DVL3: variants seen among roughly 807,000 people sequenced by gnomAD.
DVL3 encodes the protein dishevelled segment polarity protein 3.
DVL3 carries 27 observed loss-of-function variants against 67.4 expected under a neutral mutation model. That is an observed-to-expected ratio of 0.40 (90% CI 0.30 to 0.55). The LOEUF is 0.55. DVL3 is among the 20% of genes least tolerant of loss of function. The pLI, the probability that DVL3 is intolerant of heterozygous loss-of-function variation, is 0.46. For synonymous variants in DVL3, 369 were observed against 396.8 expected, an observed-to-expected ratio of 0.93 and a Z score of 0.83; for missense variants, 819 against 1,021.5, an observed-to-expected ratio of 0.80 and a Z score of 2.70.
chr3:184,171,425 T>C lies in DVL3; in HGVS notation c.*670T>C. The stretch of plus-strand genomic sequence containing the variant: ...TGGCTTCCAGGGAGCATCTCTGCTC[T>C]ACCCCTGCCCCATGCCTGCCCTGCG... On this transcript the variant is annotated 3_prime_UTR_variant, in exon 15 of 15. Transcript: ENST00000313143. 2 of 993,192 alleles carry C rather than the reference T, an allele frequency of 2.0e-6. No individual in the cohort carries two copies. The highest frequency in any genetic ancestry group is 1.2e-6 in the Non-Finnish European group (1 of 835,334). The allele number at this position is 993,192 out of a possible 1,614,324, so 61.5% of individuals were successfully genotyped here. A position where few individuals can be genotyped will look rare whatever the true frequency, so the allele number is the denominator to read the frequency against.
Position 184,155,835 on chromosome 3 carries a change from C to T in DVL3, c.161+39C>T, listed in dbSNP as rs766636721. 4 of 1,572,720 alleles carry T rather than the reference C, an allele frequency of 2.5e-6. No individual in the cohort carries two copies. The highest frequency in any genetic ancestry group is 3.4e-6 in the Non-Finnish European group (4 of 1,160,328). On this transcript the variant is annotated intron_variant, in intron 1 of 14. Coordinates refer to ENST00000313143, the MANE Select transcript of DVL3 (RefSeq NM_004423.4). This position sits in a 1 kb window ranked among gnomAD's most constrained non-coding sequence, Gnocchi z 5.4. ...CCGCCCCGCCTCCGGGAGCCCCGGC[C>T]GCTCTGGCTTCTAAGGGATGACGCG... is the stretch of plus-strand genomic sequence containing the variant.
rs112145624 is a variant in DVL3, at chr3:184,161,256, A to G, written c.162-2401A>G. Among the ~76,000 whole-genome samples, 3 of 152,188 alleles carry G rather than the reference A, an allele frequency of 2.0e-5. 1 individual carries two copies. Among genetic ancestry groups the G allele is most frequent in the African/African-American group, 4.8e-5 (2 of 41,544 alleles). On this transcript the variant is annotated intron_variant, in intron 1 of 14. Transcript: ENST00000313143. Reference sequence around the variant, plus strand: ...ACCCTGGCCAACACGGTGAAACCCTATCTCTACTAAAAATATAAAAATTAG... The same window carrying G: ...ACCCTGGCCAACACGGTGAAACCCTGTCTCTACTAAAAATATAAAAATTAG...
At position 184,166,696 on chromosome 3, in the gene DVL3, C is replaced by A. The variant is rs1714601458; in HGVS notation, c.1048+23C>A. 1 of 1,613,186 alleles carries A rather than the reference C, an allele frequency of 6.2e-7. No homozygotes were observed. The highest frequency in any genetic ancestry group is 1.1e-5 in the South Asian group (1 of 90,964). On this transcript the variant is annotated intron_variant, in intron 10 of 14. Transcript: ENST00000313143. The surrounding 1 kb of genome is among the most constrained non-coding windows in gnomAD (Gnocchi z 6.7). ...GGAGTAAGTGGATGGGAGACTCAGTCCTAAAGCTGGTGCTTACATACATGA... is the reference window on the plus strand; with the variant it reads ...GGAGTAAGTGGATGGGAGACTCAGTACTAAAGCTGGTGCTTACATACATGA...
chr3:184,166,923 C>G lies in DVL3; in HGVS notation c.1146C>G (p.Ser382Arg), dbSNP rs765923383. 2 of 1,614,176 alleles carry G rather than the reference C, an allele frequency of 1.2e-6. No individual in the cohort carries two copies. Among genetic ancestry groups the G allele is most frequent in the Admixed American group, 1.7e-5 (1 of 60,024 alleles). ...CATACGGCATGAGCCCCTCCCTGAG[C>G]ACCATCACCTCCACCAGCTCCTCCA... ...FPAYGMSPSLSTITSTSSSIT... is the reference protein window; with the variant it reads ...FPAYGMSPSLRTITSTSSSIT... The change falls in exon 11 of 15, where the codon AGC becomes AGG. Residue 382 changes from serine to arginine, a missense_variant. By Grantham distance (110) the Ser-to-Arg change is moderately radical. Transcript: ENST00000313143. The surrounding 1 kb of genome is among the most constrained non-coding windows in gnomAD (Gnocchi z 6.7).
chr3:184,161,478 T>C (rs184075725), intron 1 of DVL3, among the ~76,000 whole-genome samples: 3 of 152,072 alleles, frequency 2.0e-5, no homozygotes, highest in Admixed American at 6.5e-5. Context: ...AACCTCCTCC[T>C]TGCTGTCTTC....
Position 184,165,440 on chromosome 3 carries a change from A to G in DVL3, c.712A>G (p.Ile238Val). ...RIERSSSFSSITDSTMSLNII... is the reference protein window; with the variant it reads ...RIERSSSFSSVTDSTMSLNII... ...ATTCCAGTCCTCGTCCTTCAGCAGC[A>G]TCACGGACTCCACCATGTCACTCAA... Residue 238 changes from isoleucine to valine, a missense_variant, in exon 7 of 15, where the codon ATC (isoleucine) becomes GTC (valine). Coordinates refer to ENST00000313143, the MANE Select transcript of DVL3 (RefSeq NM_004423.4). This position sits in a 1 kb window ranked among gnomAD's most constrained non-coding sequence, Gnocchi z 4.1. The G allele has an allele frequency of 6.2e-7, 1 of 1,614,124 alleles. No individual in the cohort carries two copies. Among genetic ancestry groups the G allele is most frequent in the Non-Finnish European group, 8.5e-7 (1 of 1,180,022 alleles).
chr3:184,170,272 C>T lies in DVL3; in HGVS notation c.1715-47C>T. Reference sequence around the variant, plus strand: ...GGCTATAGGTGGGCCCCAGGCTTCCCCCGCCCGCTCAGCCTGCCCCACCCC... The same window carrying T: ...GGCTATAGGTGGGCCCCAGGCTTCCTCCGCCCGCTCAGCCTGCCCCACCCC... On this transcript the variant is annotated intron_variant, in intron 14 of 14. Transcript: ENST00000313143. The surrounding 1 kb of genome is among the most constrained non-coding windows in gnomAD (Gnocchi z 6.5). 6.3e-7 allele frequency: 1 copy of T among 1,597,282 alleles called. No individual in the cohort carries two copies. The highest frequency in any genetic ancestry group is 8.5e-7 in the Non-Finnish European group (1 of 1,171,450).
intron 13 of DVL3, 83 bp from the exon 14 acceptor site, chr3:184,169,923 C>T (rs1294714149): frequency 1.6e-6 from 2 of 1,262,568 alleles, no homozygotes; most frequent in South Asian, 2.9e-5. Context: ...CTACCACGGT[C>T]TCTCTCATCC....
In DVL3 at chr3:184,164,484, C is replaced by T; in HGVS notation, c.354-8C>T. ...TGCCCCCTCCCCCATCAAGTCTCTT[C>T]CCTGCAGCCCTCATGCTGGTGGGGG... On this transcript the variant is annotated splice_polypyrimidine_tract_variant and splice_region_variant and intron_variant, in intron 3 of 14. Coordinates refer to ENST00000313143, the MANE Select transcript of DVL3 (RefSeq NM_004423.4). This position sits in a 1 kb window ranked among gnomAD's most constrained non-coding sequence, Gnocchi z 5.3. 3 of 1,599,296 alleles carry T rather than the reference C, an allele frequency of 1.9e-6. No homozygotes were observed. The highest frequency in any genetic ancestry group is 2.2e-5 in the South Asian group (2 of 89,166).
intron 1 of DVL3, among the ~76,000 whole-genome samples, chr3:184,160,620 A>G (rs1266261090): frequency 6.6e-6 from 1 of 152,118 alleles, no homozygotes; most frequent in Non-Finnish European, 1.5e-5. Flanking sequence ...GAGGTTCCCC[A>G]AAGCTGCTGA....
Position 184,166,764 on chromosome 3 carries a change from T to G in DVL3, c.1049-62T>G. The G allele has an allele frequency of 5.0e-6, 8 of 1,613,348 alleles. No homozygotes were observed. Among genetic ancestry groups the G allele is most frequent in the Non-Finnish European group, 6.8e-6 (8 of 1,179,476 alleles). ...TTCTCTCACCCAGAACCCCCATATC[T>G]ATCCTGTTGGGCCCAGCAGTGGGTG... On this transcript the variant is annotated intron_variant, in intron 10 of 14. Coordinates refer to ENST00000313143, the MANE Select transcript of DVL3 (RefSeq NM_004423.4). The surrounding 1 kb of genome is among the most constrained non-coding windows in gnomAD (Gnocchi z 6.7).
rs1577053140 is a variant in DVL3, at chr3:184,170,589, A to G, written c.1985A>G (p.Tyr662Cys). The G allele has an allele frequency of 3.3e-6, 5 of 1,537,300 alleles. No homozygotes were observed. Among genetic ancestry groups the G allele is most frequent in the Non-Finnish European group, 3.5e-6 (4 of 1,138,522 alleles). ...SYGPPGVPPL[Y>C]GPPMLMMPPP... ...GGTCCTCCCGGAGTGCCCCCTCTCT[A>G]CGGCCCCCCCATGCTGATGATGCCC... is the stretch of plus-strand genomic sequence containing the variant. The change falls in exon 15 of 15, where the codon TAC becomes TGC. Residue 662 changes from tyrosine to cysteine, a missense_variant. Around this residue, in one of 3 missense-constraint regions of DVL3, gnomAD observed 324 missense variants for 331.3 expected, o/e 0.98. Coordinates refer to ENST00000313143, the MANE Select transcript of DVL3 (RefSeq NM_004423.4). The surrounding 1 kb of genome is among the most constrained non-coding windows in gnomAD (Gnocchi z 6.5).
At position 184,164,730 on chromosome 3, in the gene DVL3, G is replaced by A. The variant is rs1714512755; in HGVS notation, c.464-66G>A. On this transcript the variant is annotated intron_variant, in intron 4 of 14. Transcript: ENST00000313143. This position sits in a 1 kb window ranked among gnomAD's most constrained non-coding sequence, Gnocchi z 5.3. ...CTGGCCCCAGTGCAGCCCCTGGCTT[G>A]CCTCTCTCCCTCCTTCACCCCTGCA... The A allele has an allele frequency of 1.2e-6, 2 of 1,608,396 alleles. No individual in the cohort carries two copies. The highest frequency in any genetic ancestry group is 4.5e-5 in the East Asian group (2 of 44,790).
chr3:184,155,426 C>A lies in DVL3; in HGVS notation c.-210C>A. On this transcript the variant is annotated 5_prime_UTR_variant, in exon 1 of 15. Coordinates refer to ENST00000313143, the MANE Select transcript of DVL3 (RefSeq NM_004423.4). This position sits in a 1 kb window ranked among gnomAD's most constrained non-coding sequence, Gnocchi z 5.4. Reference sequence around the variant, plus strand: ...GAAGAGTCGCGGTCGCCAGTCCAGTCGGGAGAGTGGGGAGCGGAAGCGGCG... The same window carrying A: ...GAAGAGTCGCGGTCGCCAGTCCAGTAGGGAGAGTGGGGAGCGGAAGCGGCG... 6.3e-6 allele frequency: 1 copy of A among 157,688 alleles called. No individual in the cohort carries two copies. Among genetic ancestry groups the A allele is most frequent in the South Asian group, 1.8e-4 (1 of 5,534 alleles). The allele number at this position is 157,688 out of a possible 1,614,324, so 9.8% of individuals were successfully genotyped here.
Position 184,166,629 on chromosome 3 carries a change from A to G in DVL3, c.1004A>G (p.Lys335Arg), listed in dbSNP as rs1201272648. 1 of 1,614,186 alleles carries G rather than the reference A, an allele frequency of 6.2e-7. No individual in the cohort carries two copies. The highest frequency in any genetic ancestry group is 1.7e-5 in the Admixed American group (1 of 60,020). The change falls in exon 10 of 15, where the codon AAG becomes AGG. Residue 335 changes from lysine to arginine, a missense_variant. Lys to Arg is a conservative substitution (Grantham distance 26). This residue lies in a region of DVL3 where 385 missense variants were observed against 486.8 expected (regional missense o/e 0.79). Transcript: ENST00000313143. The surrounding 1 kb of genome is among the most constrained non-coding windows in gnomAD (Gnocchi z 6.7). ...AGGCCCATCACCCTGACTGTAGCCAAGTGCTGGGACCCAAGTCCACGTGGT... is the reference window on the plus strand; with the variant it reads ...AGGCCCATCACCCTGACTGTAGCCAGGTGCTGGGACCCAAGTCCACGTGGT... ...KPGPITLTVA[K>R]CWDPSPRGCF...
In DVL3 at chr3:184,171,354, C is replaced by G. The variant is rs1043188835; in HGVS notation, c.*599C>G. On this transcript the variant is annotated 3_prime_UTR_variant, in exon 15 of 15. Coordinates refer to ENST00000313143, the MANE Select transcript of DVL3 (RefSeq NM_004423.4). Reference sequence around the variant, plus strand: ...CCATCCATGCCATCCCTGCCTGTGCCTAGATCAGAGGCCCAGAGGGCCCCC... The same window carrying G: ...CCATCCATGCCATCCCTGCCTGTGCGTAGATCAGAGGCCCAGAGGGCCCCC... 2.0e-6 allele frequency: 2 copies of G among 1,010,124 alleles called. No homozygotes were observed. Among genetic ancestry groups the G allele is most frequent in the Non-Finnish European group, 1.2e-6 (1 of 846,290 alleles). 62.6% of individuals were successfully genotyped at this position (1,010,124 alleles called of 1,614,324 possible).
Position 184,170,653 on chromosome 3 carries a change from G to A in DVL3, c.2049G>A (p.Pro683=), listed in dbSNP as rs1040205003. Residue 683 remains proline, a synonymous_variant, in exon 15 of 15, where the codon CCG becomes CCA. Coordinates refer to ENST00000313143, the MANE Select transcript of DVL3 (RefSeq NM_004423.4). The surrounding 1 kb of genome is among the most constrained non-coding windows in gnomAD (Gnocchi z 6.5). ...CCATGGGGCCCCCAGGAGCCCCTCC[G>A]GGCCGCGACCTGGCCTCAGTGCCCC... ...PAAMGPPGAP[P]GRDLASVPPE... 1.6e-5 allele frequency: 25 copies of A among 1,608,076 alleles called. No individual in the cohort carries two copies. The highest frequency in any genetic ancestry group is 1.9e-5 in the Non-Finnish European group (22 of 1,178,510).
At chr3:184,157,244 G>T (rs1577043742) in intron 1 of DVL3, among the ~76,000 whole-genome samples, 1 of 152,140 alleles carries the variant, frequency 6.6e-6, no homozygotes. Context: ...ATCTAGAAGG[G>T]GTCTGGGTGA....
Position 184,167,777 on chromosome 3 carries a change from C to G in DVL3, c.1330+66C>G. Reference sequence around the variant, plus strand: ...TGATGGGGCAGGGCAGGCCGGAGGGCCCAGGACTTGCCTTGGACCCTTCCT... The same window carrying G: ...TGATGGGGCAGGGCAGGCCGGAGGGGCCAGGACTTGCCTTGGACCCTTCCT... On this transcript the variant is annotated intron_variant, in intron 12 of 14. Transcript: ENST00000313143. The surrounding 1 kb of genome is among the most constrained non-coding windows in gnomAD (Gnocchi z 4.6). 1 of 1,590,098 alleles carries G rather than the reference C, an allele frequency of 6.3e-7. No individual in the cohort carries two copies. Among genetic ancestry groups the G allele is most frequent in the African/African-American group, 1.3e-5 (1 of 74,754 alleles).
Sources: allele counts gnomAD v4.1 joint callset (sites outside exome capture counted in the v4.1 genomes callset), GRCh38; gene constraint gnomAD v4.1.1; regional missense constraint gnomAD v4.1.1; non-coding constraint Gnocchi (gnomAD v3.1); transcripts MANE v1.5; gene names NCBI Gene and HGNC (gene_info 2026-07-23, HGNC 2026-07-21).